SEL1L2: variants seen among roughly 807,000 people sequenced by gnomAD.
SEL1L2 encodes protein sel-1 homolog 2.
In SEL1L2, 89 loss-of-function variants were observed where a neutral mutation model predicts 98.8. The observed-to-expected ratio is 0.90, with a 90% CI of 0.76 to 1.07. The LOEUF (loss-of-function observed/expected upper bound fraction) is 1.07, where lower values mean the gene tolerates loss of function less well. Among genes scored for constraint, SEL1L2 ranks in the 50% least tolerant of loss-of-function variants. The pLI, the probability that SEL1L2 is intolerant of heterozygous loss-of-function variation, is 0.00. For synonymous variants in SEL1L2, 262 were observed against 278.5 expected, an observed-to-expected ratio of 0.94 and a Z score of 0.59; for missense variants, 788 against 812.0, an observed-to-expected ratio of 0.97 and a Z score of 0.36.
intron 1 of SEL1L2, among the ~76,000 whole-genome samples, chr20:13,987,328 T>TG (rs2148581526): frequency 1.2e-4 from 16 of 134,966 alleles, no homozygotes; most frequent in Admixed American, 5.9e-4. Context: ...TTTTTTTTTT[T>TG]TTTGTTGTTG....
chr20:13,850,358 A>T, intron 18 of SEL1L2, 39 bp from the exon 19 acceptor site: 1 of 1,609,464 alleles, frequency 6.2e-7, no homozygotes, highest in East Asian at 2.2e-5. Context: ...CAGATTCTGT[A>T]GGGGTAAGTA....
At chr20:13,974,475 C>CTCTTTTTT (rs71335938) in intron 1 of SEL1L2, among the ~76,000 whole-genome samples, 2 of 80,180 alleles carry the variant, frequency 2.5e-5, no homozygotes, top group African/African-American at 5.0e-5. Context: ...CTCTCTCTCT[C>CTCTTTTTT]TTTTTTTTTT....
At chr20:13,866,513 T>A (rs1991059558) in intron 15 of SEL1L2, among the ~76,000 whole-genome samples, 189 bp downstream of exon 15, 1 of 152,208 alleles carries the variant, frequency 6.6e-6, no homozygotes, top group Admixed American at 6.5e-5. Context: ...ATCTTTTCTC[T>A]GTCTCCCTTC....
intron 1 of SEL1L2, among the ~76,000 whole-genome samples, chr20:13,982,247 A>G (rs1051720580): frequency 6.6e-6 from 1 of 152,232 alleles, no homozygotes; most frequent in Admixed American, 6.5e-5. Context: ...ATGGTGGCTC[A>G]TGCCTGTAAT....
intron 2 of SEL1L2, among the ~76,000 whole-genome samples, chr20:13,951,169 C>T (rs200800797): frequency 2.0e-3 from 283 of 144,040 alleles, no homozygotes; most frequent in African/African-American, 6.9e-3. Flanking sequence ...CCCAGCTACT[C>T]GGGAGGCTGA....
intron 17 of SEL1L2, among the ~76,000 whole-genome samples, chr20:13,863,796 C>T (rs1414288769): frequency 1.3e-5 from 2 of 151,972 alleles, no homozygotes; most frequent in Non-Finnish European, 2.9e-5. Context: ...ATGGTGAAAT[C>T]CCGTCTCTAC....
At chr20:13,976,741 T>G (rs1465065591) in intron 1 of SEL1L2, among the ~76,000 whole-genome samples, 3 of 152,162 alleles carry the variant, frequency 2.0e-5, no homozygotes, top group Non-Finnish European at 4.4e-5. Context: ...AAGTTAGAAG[T>G]GCATTAGTGT....
rs1600728096 is a variant in SEL1L2, at chr20:13,915,069, A to C, written c.387-1125T>G. 5.6e-6 allele frequency: 7 copies of C among 1,256,052 alleles called. No individual in the cohort carries two copies. In the South Asian group the frequency reaches 6.5e-5, roughly 12 times the overall value. The allele number at this position is 1,256,052 out of a possible 1,614,324, so 77.8% of individuals were successfully genotyped here. A position where few individuals can be genotyped will look rare whatever the true frequency, so the allele number is the denominator to read the frequency against. Reference sequence around the variant, plus strand: ...CTTGACTCAAATACAGGGAAAAAAAACCCCATAAAAATCTACCATTGCTTC... The same window carrying C: ...CTTGACTCAAATACAGGGAAAAAAACCCCCATAAAAATCTACCATTGCTTC... On this transcript the variant is annotated intron_variant, in intron 4 of 19. Transcript: ENST00000284951.
chr20:13,900,451 C>T (rs1484325145), intron 5 of SEL1L2, among the ~76,000 whole-genome samples: 2 of 152,146 alleles, frequency 1.3e-5, no homozygotes, highest in African/African-American at 4.8e-5. Flanking sequence ...GTAACTGTTG[C>T]ACCTTGAGTT....
intron 2 of SEL1L2, among the ~76,000 whole-genome samples, chr20:13,936,090 T>C (rs2049439100): frequency 6.6e-6 from 1 of 152,236 alleles, no homozygotes; most frequent in African/African-American, 2.4e-5. Flanking sequence ...TGTGTTTTGA[T>C]AGTCTCTGAC....
chr20:13,889,361 C>T (rs1488312976), intron 5 of SEL1L2, among the ~76,000 whole-genome samples: 1 of 152,142 alleles, frequency 6.6e-6, no homozygotes, highest in Admixed American at 6.5e-5. Context: ...TGGGAAAGCT[C>T]ACAATAGTGG....
At chr20:13,930,112 C>T (rs1224628617) in intron 3 of SEL1L2, among the ~76,000 whole-genome samples, 1 of 152,160 alleles carries the variant, frequency 6.6e-6, no homozygotes, top group Non-Finnish European at 1.5e-5. Context: ...ATTCTAGATC[C>T]CACTCCATCC....
At chr20:13,965,778 C>A (rs908382381) in intron 1 of SEL1L2, among the ~76,000 whole-genome samples, 8 of 152,046 alleles carry the variant, frequency 5.3e-5, no homozygotes, top group African/African-American at 1.9e-4. Flanking sequence ...CATGGTGAAA[C>A]CCCATCTCTA....
intron 5 of SEL1L2, among the ~76,000 whole-genome samples, chr20:13,904,463 G>A (rs1057197602): frequency 5.3e-5 from 8 of 152,090 alleles, no homozygotes; most frequent in Non-Finnish European, 8.8e-5. Context: ...GGGAGGTGGA[G>A]GTTGTATTGA....
intron 10 of SEL1L2, among the ~76,000 whole-genome samples, chr20:13,880,585 G>A (rs1333245948): frequency 6.6e-6 from 1 of 151,508 alleles, no homozygotes; most frequent in Non-Finnish European, 1.5e-5. Flanking sequence ...CTCTTGAAGA[G>A]TTAAGATCAA....
At chr20:13,892,710 T>G (rs2047258404) in intron 5 of SEL1L2, among the ~76,000 whole-genome samples, 1 of 152,178 alleles carries the variant, frequency 6.6e-6, no homozygotes, top group African/African-American at 2.4e-5. Context: ...GTAAATGGAT[T>G]AAACTTCCAA....
At chr20:13,930,436 C>G (rs2049094886) in intron 3 of SEL1L2, among the ~76,000 whole-genome samples, 1 of 152,202 alleles carries the variant, frequency 6.6e-6, no homozygotes. Context: ...CCAGGGGGAA[C>G]TTTGTGGTTT....
chr20:13,898,454 C>T (rs918374727), intron 5 of SEL1L2, among the ~76,000 whole-genome samples: 4 of 152,168 alleles, frequency 2.6e-5, no homozygotes, highest in Non-Finnish European at 2.9e-5. Flanking sequence ...CCAGAACTCT[C>T]GTATTTATAA....
chr20:13,876,051 A>G lies in SEL1L2; in HGVS notation c.1091T>C (p.Met364Thr). 6.2e-7 allele frequency: 1 copy of G among 1,613,736 alleles called. No homozygotes were observed. Among genetic ancestry groups the G allele is most frequent in the South Asian group, 1.1e-5 (1 of 91,080 alleles). ...NNATAFKYFS[M>T]AASKGNAIGL... is the part of the protein sequence containing the mutation. ...TTGAGGACATACCTTACTGGCTGCC[A>G]TGGAAAAGTACTTGAAGGCAGTAGC... The change falls in exon 12 of 20, where the codon ATG becomes ACG. Residue 364 changes from methionine to threonine, a missense_variant. Met to Thr is a moderately conservative substitution (Grantham distance 81). Coordinates refer to ENST00000284951, the MANE Select transcript of SEL1L2 (RefSeq NM_025229.2).
Sources: allele counts gnomAD v4.1 joint callset (sites outside exome capture counted in the v4.1 genomes callset), GRCh38; gene constraint gnomAD v4.1.1; transcripts MANE v1.5; gene names NCBI Gene and HGNC (gene_info 2026-07-23, HGNC 2026-07-21).